The following CEACAM4 variants were observed in gnomAD, a reference collection of about 807,000 sequenced individuals.
The protein encoded by CEACAM4 is CEA cell adhesion molecule 4.
A neutral mutation model predicts 28.7 loss-of-function variants in CEACAM4; 30 were observed. That is an observed-to-expected ratio of 1.05 (90% confidence interval 0.78 to 1.42). The LOEUF is 1.42. Ranked by LOEUF, CEACAM4 falls within the 40% of genes most tolerant of loss-of-function variation. The probability of loss-of-function intolerance (pLI) is 0.00; values close to 1 mark genes in which losing one functional copy is unlikely to be tolerated. For missense variants in CEACAM4, 330 were observed against 308.2 expected, an observed-to-expected ratio of 1.07 and a Z score of -0.53; for synonymous variants, 143 against 126.5, an observed-to-expected ratio of 1.13 and a Z score of -0.87.
At chr19:41,616,213 G>T (rs1408111515), downstream of CEACAM4, among the ~76,000 whole-genome samples, 3 of 151,998 alleles carry the variant, frequency 2.0e-5, no homozygotes, top group African/African-American at 7.3e-5. Flanking sequence ...TGTATTTTTA[G>T]TAGAGATGGG....
At chr19:41,616,144 C>G (rs1318011039), downstream of CEACAM4, among the ~76,000 whole-genome samples, 1 of 152,176 alleles carries the variant, frequency 6.6e-6, no homozygotes, top group Non-Finnish European at 1.5e-5. Context: ...ATTCTCCTGC[C>G]TCAGCCTCCC....
In CEACAM4 at chr19:41,626,897, C is replaced by G; in HGVS notation, c.64+3G>C. ...CACCACTCCCAGAGAGTCCTCCCCT[C>G]ACCTGTGATCAGGAGCCCCTGCCAG... On this transcript the variant is annotated splice_donor_region_variant and intron_variant, in intron 1 of 6. Transcript: ENST00000221954. The G allele has an allele frequency of 4.3e-6, 7 of 1,611,312 alleles. No individual in the cohort carries two copies. The highest frequency in any genetic ancestry group is 5.9e-6 in the Non-Finnish European group (7 of 1,178,356).
chr19:41,625,573 C>T (rs2122599392), intron 2 of CEACAM4, 28 bp downstream of exon 2: 2 of 1,545,208 alleles, frequency 1.3e-6, no homozygotes, highest in Non-Finnish European at 1.7e-6. Flanking sequence ...TGACCGCCAG[C>T]ACCCAGAGGT....
downstream of CEACAM4, among the ~76,000 whole-genome samples, chr19:41,616,498 TAGATAGATAGATA>T (rs2070985056): frequency 2.2e-5 from 1 of 45,100 alleles, no homozygotes; most frequent in Non-Finnish European, 4.7e-5. Flanking sequence ...GATAGATAGA[TAGATAGATAGATA>T]GATAGATAGA....
chr19:41,624,602 C>T (rs1169143817), intron 2 of CEACAM4, among the ~76,000 whole-genome samples: 3 of 152,206 alleles, frequency 2.0e-5, no homozygotes, highest in African/African-American at 7.2e-5. Context: ...AGTGGCTGTT[C>T]TGAGGTCCAC....
chr19:41,619,027 T>A lies in CEACAM4; in HGVS notation c.*303A>T. On this transcript the variant is annotated 3_prime_UTR_variant, in exon 7 of 7. Coordinates refer to ENST00000221954, the MANE Select transcript of CEACAM4 (RefSeq NM_001817.4). Reference sequence around the variant, plus strand: ...GAAAAAGAGCCAATGAGAGGAAGGGTCCTCTTTATTCAGATCCTTTCCTGG... The same window carrying A: ...GAAAAAGAGCCAATGAGAGGAAGGGACCTCTTTATTCAGATCCTTTCCTGG... 2 of 404,548 alleles carry A rather than the reference T, an allele frequency of 4.9e-6. No individual in the cohort carries two copies. The highest frequency in any genetic ancestry group is 8.7e-6 in the Non-Finnish European group (2 of 228,952). The allele number at this position is 404,548 out of a possible 1,614,324, so 25.1% of individuals were successfully genotyped here.
At position 41,623,585 on chromosome 19, in the gene CEACAM4, C is replaced by G. The variant is rs2071454685; in HGVS notation, c.425-1817G>C. 2.0e-5 allele frequency among the ~76,000 whole-genome samples: 3 copies of G among 151,744 alleles called. No individual in the cohort carries two copies. The South Asian group carries it at 6.2e-4, about 32-fold the overall frequency. On this transcript the variant is annotated intron_variant, in intron 2 of 6. Transcript: ENST00000221954. ...TGTGGTCCTGGATAGAGTCTGTGCC[C>G]TGGGCTGTGAATGTCACAAGTGCCT... is the stretch of plus-strand genomic sequence containing the variant.
chr19:41,625,579 G>C, intron 2 of CEACAM4, 22 bp downstream of exon 2: 4 of 1,548,630 alleles, frequency 2.6e-6, no homozygotes, highest in Non-Finnish European at 3.5e-6. Flanking sequence ...CCAGCACCCA[G>C]AGGTATGGGG....
Position 41,619,267 on chromosome 19 carries a change from G to T in CEACAM4, c.*63C>A, listed in dbSNP as rs538937334. 8 of 1,374,946 alleles carry T rather than the reference G, an allele frequency of 5.8e-6. No homozygotes were observed. Among genetic ancestry groups the T allele is most frequent in the Non-Finnish European group, 8.3e-6 (8 of 964,264 alleles). The allele number at this position is 1,374,946 out of a possible 1,614,324, so 85.2% of individuals were successfully genotyped here. A position where few individuals can be genotyped will look rare whatever the true frequency, so the allele number is the denominator to read the frequency against. On this transcript the variant is annotated 3_prime_UTR_variant, in exon 7 of 7. Transcript: ENST00000221954. ...TGGCTCAGGCTCCATGTCCTTCCCCGTCCCCAGGGCTGGGAGCTTCGGGGA... is the reference window on the plus strand; with the variant it reads ...TGGCTCAGGCTCCATGTCCTTCCCCTTCCCCAGGGCTGGGAGCTTCGGGGA...
At chr19:41,626,190 A>G (rs2071650797) in intron 1 of CEACAM4, among the ~76,000 whole-genome samples, 2 of 149,860 alleles carry the variant, frequency 1.3e-5, no homozygotes, top group African/African-American at 5.0e-5. Flanking sequence ...CCCTGGTGGA[A>G]TCTTCTTCCC....
chr19:41,614,700 T>C (rs1384083550), downstream of CEACAM4, among the ~76,000 whole-genome samples: 1 of 152,196 alleles, frequency 6.6e-6, no homozygotes, highest in Non-Finnish European at 1.5e-5. Flanking sequence ...CCAAGAGTTC[T>C]GGTTCCACAG....
chr19:41,619,815 C>T (rs782582659), intron 5 of CEACAM4, 104 bp from the exon 6 acceptor site: 60 of 950,732 alleles, frequency 6.3e-5, no homozygotes, highest in Non-Finnish European at 8.9e-5. Flanking sequence ...ACTTCCCTGC[C>T]TCCACTTCCA....
intron 3 of CEACAM4, among the ~76,000 whole-genome samples, chr19:41,621,001 G>A (rs1555801221): frequency 6.6e-6 from 1 of 152,072 alleles, no homozygotes; most frequent in Non-Finnish European, 1.5e-5. Context: ...GGAGCTGGGG[G>A]CATGGGGAGG....
downstream of CEACAM4, among the ~76,000 whole-genome samples, chr19:41,615,310 G>C (rs982994681): frequency 6.6e-6 from 1 of 151,916 alleles, no homozygotes; most frequent in Non-Finnish European, 1.5e-5. Flanking sequence ...TGTCTGGGAG[G>C]GGGAGCTGGT....
chr19:41,626,252 G>C (rs563999362), intron 1 of CEACAM4, among the ~76,000 whole-genome samples: 10 of 152,084 alleles, frequency 6.6e-5, no homozygotes, highest in African/African-American at 2.4e-4. Flanking sequence ...GCTCACATCA[G>C]GGTGTTTTTG....
chr19:41,621,156 T>A (rs1401268740), intron 3 of CEACAM4, among the ~76,000 whole-genome samples: 1 of 152,078 alleles, frequency 6.6e-6, no homozygotes, highest in African/African-American at 2.4e-5. Flanking sequence ...GGACAGCAGG[T>A]CCTGAGGTCC....
downstream of CEACAM4, among the ~76,000 whole-genome samples, chr19:41,616,924 C>T (rs2122404897): frequency 6.6e-6 from 1 of 152,302 alleles, no homozygotes; most frequent in South Asian, 2.1e-4. Flanking sequence ...ATCCTGGATG[C>T]AGCAAGCAGC....
Position 41,625,743 on chromosome 19 carries a change from T to C in CEACAM4, c.282A>G (p.Ala94=), listed in dbSNP as rs377399854. Residue 94 remains alanine (A), a synonymous_variant, in exon 2 of 7, where the codon GCA becomes GCG. Coordinates refer to ENST00000221954, the MANE Select transcript of CEACAM4 (RefSeq NM_001817.4). ...TDIQANIPGA[A]YSGRETVYPN... ...GGTATACTGTCTCTCGACCACTGTA[T>C]GCGGCCCCTGGGATATTTGCTTGAA... 6.8e-6 allele frequency: 11 copies of C among 1,613,910 alleles called. No homozygotes were observed. Among genetic ancestry groups the C allele is most frequent in the African/African-American group, 1.3e-5 (1 of 74,884 alleles).
At position 41,620,504 on chromosome 19, in the gene CEACAM4, GGT is replaced by G; in HGVS notation, c.595+69_595+70del. On this transcript the variant is annotated intron_variant, in intron 4 of 6. Transcript: ENST00000221954. ...AAGAAAGGGTCAGAGGCCCCCAGGGGGTGACTGGCAGGAGTGGACACCGTAGG... is the reference window on the plus strand; with the variant it reads ...AAGAAAGGGTCAGAGGCCCCCAGGGGGACTGGCAGGAGTGGACACCGTAGG... 3.7e-6 allele frequency: 5 copies of G among 1,340,566 alleles called. No individual in the cohort carries two copies. In the Admixed American group the frequency reaches 1.1e-4, roughly 31 times the overall value. The allele number at this position is 1,340,566 out of a possible 1,614,324, so 83.0% of individuals were successfully genotyped here.
Sources: gnomAD v4.1 joint callset for allele counts (sites outside exome capture counted in the v4.1 genomes callset) on GRCh38, gnomAD v4.1.1 for gene constraint, MANE v1.5 for transcripts, NCBI Gene and HGNC (gene_info 2026-07-23, HGNC 2026-07-21) for gene names.